MIPEP: variants seen among roughly 807,000 people sequenced by gnomAD.
The protein encoded by MIPEP is mitochondrial intermediate peptidase.
A neutral mutation model predicts 90.3 loss-of-function variants in MIPEP; 79 were observed. The observed-to-expected ratio is 0.87, with a 90% CI of 0.73 to 1.05. The LOEUF (loss-of-function observed/expected upper bound fraction) is 1.05, where lower values mean the gene tolerates loss of function less well. Ranked by LOEUF, MIPEP falls within the 50% of genes least tolerant of loss-of-function variation. The pLI, the probability that MIPEP is intolerant of heterozygous loss-of-function variation, is 0.00. For synonymous variants in MIPEP, 334 were observed against 315.8 expected (o/e 1.06, Z -0.61); for missense variants, 940 against 905.6 (o/e 1.04, Z -0.49).
At chr13:23,802,292 T>C (rs916016579) in intron 16 of MIPEP, among the ~76,000 whole-genome samples, 2 of 152,186 alleles carry the variant, frequency 1.3e-5, no homozygotes, top group South Asian at 2.1e-4. Context: ...CCTTTTCCAA[T>C]GGCCGGGCAT....
At chr13:23,849,284 C>A (rs1854227291) in intron 10 of MIPEP, among the ~76,000 whole-genome samples, 1 of 152,238 alleles carries the variant, frequency 6.6e-6, no homozygotes, top group Non-Finnish European at 1.5e-5. Context: ...GCATATAGGA[C>A]CTCACAGCAC....
At chr13:23,837,414 G>A in intron 13 of MIPEP, 138 bp downstream of exon 13, 1 of 649,578 alleles carries the variant, frequency 1.5e-6, no homozygotes, top group Non-Finnish European at 2.7e-6. Context: ...GGGAGGGCAG[G>A]ATGAGGCAAT....
chr13:23,864,361 A>C (rs1206628753), intron 7 of MIPEP, among the ~76,000 whole-genome samples, 172 bp from the exon 8 acceptor site: 1 of 152,228 alleles, frequency 6.6e-6, no homozygotes, highest in African/African-American at 2.4e-5. Flanking sequence ...AAATGCTTCT[A>C]GGTGATGACG....
At chr13:23,733,211 A>T (rs1454973269) in intron 18 of MIPEP, among the ~76,000 whole-genome samples, 1 of 152,244 alleles carries the variant, frequency 6.6e-6, no homozygotes, top group Non-Finnish European at 1.5e-5. Flanking sequence ...ACAGAAGAGA[A>T]AGATGAATTC....
chr13:23,863,866 T>C (rs930205419), intron 8 of MIPEP, among the ~76,000 whole-genome samples: 1 of 152,242 alleles, frequency 6.6e-6, no homozygotes, highest in African/African-American at 2.4e-5. Context: ...ATAAATAGTT[T>C]CAAAAACATT....
chr13:23,757,029 C>T (rs751395580), intron 17 of MIPEP, among the ~76,000 whole-genome samples: 27 of 152,118 alleles, frequency 1.8e-4, no homozygotes, highest in South Asian at 4.1e-4. Context: ...ATTACATTTA[C>T]GGTGCACTTT....
intron 4 of MIPEP, 91 bp downstream of exon 4, chr13:23,879,177 G>C (rs1169227987): frequency 1.6e-5 from 12 of 745,748 alleles, no homozygotes; most frequent in Non-Finnish European, 2.3e-6. Flanking sequence ...CCAGACAACA[G>C]AGGCTGCAAG....
intron 10 of MIPEP, among the ~76,000 whole-genome samples, chr13:23,845,476 T>A (rs143591430): frequency 7.4e-4 from 113 of 152,318 alleles, no homozygotes; most frequent in African/African-American, 2.6e-3. Context: ...AGAAAATGCA[T>A]CCCGTTAGGC....
chr13:23,790,803 C>G (rs895353679), intron 16 of MIPEP, among the ~76,000 whole-genome samples: 2 of 152,176 alleles, frequency 1.3e-5, no homozygotes, highest in Non-Finnish European at 2.9e-5. Context: ...CTATATTAAG[C>G]CACCAAGTTT....
Position 23,879,260 on chromosome 13 carries a change from G to C in MIPEP, c.539+8C>G, listed in dbSNP as rs754354346. On this transcript the variant is annotated splice_region_variant and intron_variant, in intron 4 of 18. Coordinates refer to ENST00000382172, the MANE Select transcript of MIPEP (RefSeq NM_005932.4). ...AGTCACAATCAAGGCAAAGAAATGA[G>C]TGAGTACCTTGTTTCTGGATCAAGG... 1.3e-6 allele frequency: 2 copies of C among 1,567,992 alleles called. No individual in the cohort carries two copies. Among genetic ancestry groups the C allele is most frequent in the South Asian group, 2.2e-5 (2 of 89,252 alleles).
In MIPEP at chr13:23,879,304, T is replaced by C. The variant is rs371524906; in HGVS notation, c.503A>G (p.Asp168Gly). 169 of 1,607,362 alleles carry C rather than the reference T, an allele frequency of 1.1e-4. No individual in the cohort carries two copies. Among genetic ancestry groups the C allele is most frequent in the Non-Finnish European group, 1.4e-4 (167 of 1,174,498 alleles). ...LYQSLQKLLA[D>G]KKLVDSLDPE... ...ATCAAGGGAATCCACAAGTTTTTTA[T>C]CAGCTAGTAATTTTTGCAAACTTTG... The change falls in exon 4 of 19, where the codon GAT (aspartate) becomes GGT (glycine). Residue 168 changes from aspartate (D) to glycine (G), a missense_variant. Asp to Gly is a moderately conservative substitution (Grantham distance 94). Transcript: ENST00000382172.
chr13:23,751,780 A>G (rs892925007), intron 18 of MIPEP, among the ~76,000 whole-genome samples: 1 of 152,176 alleles, frequency 6.6e-6, no homozygotes. Context: ...CAGGACCCCC[A>G]TGGCTAAAAA....
intron 10 of MIPEP, 93 bp downstream of exon 10, chr13:23,858,767 T>C: frequency 9.4e-7 from 1 of 1,060,582 alleles, no homozygotes; most frequent in Non-Finnish European, 1.5e-6. Flanking sequence ...GAAGGGTTTG[T>C]ACTGTGGGCG....
intron 12 of MIPEP, among the ~76,000 whole-genome samples, chr13:23,838,565 T>A (rs548305814): frequency 9.8e-5 from 15 of 152,332 alleles, no homozygotes; most frequent in Non-Finnish European, 1.5e-4. Context: ...ATACACTGTA[T>A]CACTTATTCT....
chr13:23,765,185 C>T (rs891575106), intron 16 of MIPEP, among the ~76,000 whole-genome samples: 2 of 152,122 alleles, frequency 1.3e-5, no homozygotes, highest in African/African-American at 4.8e-5. Flanking sequence ...ATTTTGGTAT[C>T]CATGCTCGGG....
At chr13:23,765,701 G>A (rs1952585872) in intron 16 of MIPEP, among the ~76,000 whole-genome samples, 1 of 152,190 alleles carries the variant, frequency 6.6e-6, no homozygotes, top group Non-Finnish European at 1.5e-5. Context: ...GAACTCGACA[G>A]CAATCTGCTG....
At chr13:23,888,368 G>T (rs1298592168) in intron 1 of MIPEP, among the ~76,000 whole-genome samples, 2 of 152,032 alleles carry the variant, frequency 1.3e-5, no homozygotes, top group Non-Finnish European at 2.9e-5. Flanking sequence ...TCTTTATAAG[G>T]CAATACAGTA....
At chr13:23,739,633 G>A (rs1053490057) in intron 18 of MIPEP, among the ~76,000 whole-genome samples, 9 of 152,166 alleles carry the variant, frequency 5.9e-5, no homozygotes, top group African/African-American at 2.2e-4. Context: ...GCAGAAAGGT[G>A]GATGGAGTTG....
intron 16 of MIPEP, among the ~76,000 whole-genome samples, chr13:23,804,589 T>C (rs1443340350): frequency 6.6e-6 from 1 of 152,234 alleles, no homozygotes; most frequent in Non-Finnish European, 1.5e-5. Context: ...AAAAATTAGT[T>C]AGTATGACTG....
Sources: allele counts gnomAD v4.1 joint callset (sites outside exome capture counted in the v4.1 genomes callset), GRCh38; gene constraint gnomAD v4.1.1; transcripts MANE v1.5; gene names NCBI Gene and HGNC (gene_info 2026-07-23, HGNC 2026-07-21).